Variants in AFF1 observed in about 807,000 individuals in gnomAD.
AFF1 encodes ALF transcription elongation factor 1.
A neutral mutation model predicts 121.7 loss-of-function variants in AFF1; 48 were observed. That is an observed-to-expected ratio of 0.39 (90% CI 0.31 to 0.50). The LOEUF is 0.50. Ranked by LOEUF, AFF1 falls within the 20% of genes least tolerant of loss-of-function variation. The pLI, the probability that AFF1 is intolerant of heterozygous loss-of-function variation, is 0.76. For missense variants in AFF1, 1,523 were observed against 1,511.7 expected (o/e 1.01, Z -0.12); for synonymous variants, 613 against 563.0 (o/e 1.09, Z -1.26).
At position 87,046,250 on chromosome 4, in the gene AFF1, T is replaced by C. The variant is rs1730679004; in HGVS notation, c.123T>C (p.Phe41=). 6.2e-7 allele frequency: 1 copy of C among 1,613,814 alleles called. No individual in the cohort carries two copies. Among genetic ancestry groups the C allele is most frequent in the African/African-American group, 1.3e-5 (1 of 74,944 alleles). ...AAGCCCACCAAGAGAAAGAGGCATT[T>C]CCTGAAAAGATTCCCCTTTTTGGAG... ...NQEAHQEKEA[F]PEKIPLFGEP... The change falls in exon 3 of 21, where the codon TTT becomes TTC. Residue 41 remains phenylalanine (F), a synonymous_variant. Coordinates refer to ENST00000395146, the MANE Select transcript of AFF1 (RefSeq NM_001166693.3).
intron 5 of AFF1, 117 bp downstream of exon 5, chr4:87,084,281 G>A: frequency 9.0e-7 from 1 of 1,105,066 alleles, no homozygotes; most frequent in Non-Finnish European, 1.4e-6. Context: ...GCTCATGCCT[G>A]TAATCCTAGC....
At chr4:87,110,812 T>A (rs1201580574) in intron 11 of AFF1, among the ~76,000 whole-genome samples, 1 of 151,998 alleles carries the variant, frequency 6.6e-6, no homozygotes. Flanking sequence ...AATTATATCC[T>A]TTTTTTCCTA....
chr4:86,986,188 C>T (rs992683495), intron 2 of AFF1, among the ~76,000 whole-genome samples: 20 of 152,010 alleles, frequency 1.3e-4, no homozygotes, highest in African/African-American at 4.3e-4. Context: ...TCTTGTGCCT[C>T]GACCTCCCGA....
At chr4:87,016,592 A>T (rs1199203842) in intron 2 of AFF1, among the ~76,000 whole-genome samples, 1 of 152,038 alleles carries the variant, frequency 6.6e-6, no homozygotes, top group Non-Finnish European at 1.5e-5. Context: ...TCTATTTTAT[A>T]TATCATAAAA....
intron 8 of AFF1, among the ~76,000 whole-genome samples, chr4:87,099,927 C>T (rs1725254330): frequency 6.6e-6 from 1 of 152,122 alleles, no homozygotes; most frequent in Non-Finnish European, 1.5e-5. Context: ...AAGAGAAAGG[C>T]AGAGACTATT....
At chr4:87,110,328 T>G (rs1726337688) in intron 11 of AFF1, among the ~76,000 whole-genome samples, 1 of 152,188 alleles carries the variant, frequency 6.6e-6, no homozygotes, top group Admixed American at 6.5e-5. Flanking sequence ...CATTTATTCT[T>G]TGTATTACAA....
At chr4:86,938,507 G>T (rs1578806911) in intron 1 of AFF1, among the ~76,000 whole-genome samples, 1 of 132,490 alleles carries the variant, frequency 7.5e-6, no homozygotes, top group Non-Finnish European at 1.8e-5. Flanking sequence ...TAAATATACA[G>T]AGTTTGATTA....
intron 2 of AFF1, among the ~76,000 whole-genome samples, chr4:87,005,886 G>A (rs1188759797): frequency 6.6e-6 from 1 of 152,222 alleles, no homozygotes; most frequent in Non-Finnish European, 1.5e-5. Context: ...TTAGTGCGAA[G>A]GCGCCAGCAG....
intron 4 of AFF1, among the ~76,000 whole-genome samples, chr4:87,059,001 GT>G (rs1329096569): frequency 1.3e-5 from 2 of 152,100 alleles, no homozygotes; most frequent in African/African-American, 4.8e-5. Context: ...TGTTGTCTGG[GT>G]TTTCTTCTAC....
At chr4:87,039,297 A>G (rs1024980071) in intron 2 of AFF1, among the ~76,000 whole-genome samples, 1 of 152,196 alleles carries the variant, frequency 6.6e-6, no homozygotes, top group African/African-American at 2.4e-5. Flanking sequence ...CCTACCCCCA[A>G]GAAGCATTTG....
chr4:87,084,206 AGTAG>A (rs749827344), intron 5 of AFF1, 42 bp downstream of exon 5: 1 of 1,587,138 alleles, frequency 6.3e-7, no homozygotes, highest in Non-Finnish European at 8.7e-7. Context: ...GAAATATTTA[AGTAG>A]GTAGGCGTAC....
In AFF1 at chr4:87,138,909, T is replaced by C. The variant is rs1729510847; in HGVS notation, c.*3208T>C. On this transcript the variant is annotated 3_prime_UTR_variant, in exon 21 of 21. Coordinates refer to ENST00000395146, the MANE Select transcript of AFF1 (RefSeq NM_001166693.3). Reference sequence around the variant, plus strand: ...TGGACCGCACTTATCTCCCTTGTCCTGTATCCTTTAATTTCAGGTCTCAGG... The same window carrying C: ...TGGACCGCACTTATCTCCCTTGTCCCGTATCCTTTAATTTCAGGTCTCAGG... The C allele has an allele frequency of 4.4e-6, 1 of 228,164 alleles. No homozygotes were observed. The highest frequency in any genetic ancestry group is 8.7e-6 in the Non-Finnish European group (1 of 114,824). 14.1% of individuals were successfully genotyped at this position (228,164 alleles called of 1,614,324 possible). A position where few individuals can be genotyped will look rare whatever the true frequency, so the allele number is the denominator to read the frequency against.
At chr4:87,050,800 C>T (rs1473356977) in intron 4 of AFF1, among the ~76,000 whole-genome samples, 2 of 152,212 alleles carry the variant, frequency 1.3e-5, no homozygotes, top group African/African-American at 2.4e-5. Flanking sequence ...ACGTGGATCC[C>T]GTCCAGCTGC....
At chr4:87,005,923 C>T (rs1726076750) in intron 2 of AFF1, among the ~76,000 whole-genome samples, 1 of 152,180 alleles carries the variant, frequency 6.6e-6, no homozygotes, top group Non-Finnish European at 1.5e-5. Context: ...TTTGCACCAT[C>T]AGTGCAAATG....
intron 2 of AFF1, among the ~76,000 whole-genome samples, chr4:87,013,942 A>G (rs190713302): frequency 1.3e-5 from 2 of 152,110 alleles, no homozygotes; most frequent in Non-Finnish European, 2.9e-5. Context: ...TGTGAGTGAG[A>G]GAGATCATAT....
chr4:87,132,119 G>T, intron 18 of AFF1, 152 bp from the exon 19 acceptor site: 1 of 886,372 alleles, frequency 1.1e-6, no homozygotes, highest in Non-Finnish European at 1.7e-6. Flanking sequence ...ATTTACTTTT[G>T]GGATAGTATG....
Position 87,084,127 on chromosome 4 carries a change from A to G in AFF1, c.1067A>G (p.Tyr356Cys), listed in dbSNP as rs905351943. The change falls in exon 5 of 21, where the codon TAC becomes TGC. Residue 356 changes from tyrosine (Y) to cysteine (C), a missense_variant. By Grantham distance (194) the Tyr-to-Cys change is radical (BLOSUM62 -2). Around this residue, in one of 5 missense-constraint regions of AFF1, gnomAD observed 905 missense variants for 842.5 expected, o/e 1.07. Coordinates refer to ENST00000395146, the MANE Select transcript of AFF1 (RefSeq NM_001166693.3). Reference sequence around the variant, plus strand: ...TTTGCTTTTCACTTTCAGCAGACCTACTCCAATGAAGTCCATTGTGTTGAA... The same window carrying G: ...TTTGCTTTTCACTTTCAGCAGACCTGCTCCAATGAAGTCCATTGTGTTGAA... ...KMPSQSVEQT[Y>C]SNEVHCVEEI... 6.2e-6 allele frequency: 10 copies of G among 1,613,624 alleles called. No individual in the cohort carries two copies. Among genetic ancestry groups the G allele is most frequent in the Non-Finnish European group, 8.5e-6 (10 of 1,179,784 alleles).
intron 19 of AFF1, among the ~76,000 whole-genome samples, chr4:87,133,266 T>C (rs544104250): frequency 6.6e-6 from 1 of 152,340 alleles, no homozygotes; most frequent in South Asian, 2.1e-4. Context: ...TACAAGTGTT[T>C]TTAAAGTGAA....
chr4:87,036,364 C>T (rs576262245), intron 2 of AFF1, among the ~76,000 whole-genome samples: 116 of 152,298 alleles, frequency 7.6e-4, no homozygotes, highest in Non-Finnish European at 6.9e-4. Context: ...TTATTAACCC[C>T]TAGCTGTAGA....
Sources: allele counts gnomAD v4.1 joint callset (sites outside exome capture counted in the v4.1 genomes callset), GRCh38; gene constraint gnomAD v4.1.1; regional missense constraint gnomAD v4.1.1; transcripts MANE v1.5; gene names NCBI Gene and HGNC (gene_info 2026-07-23, HGNC 2026-07-21).